The following CSMD2 variants were observed in gnomAD, a reference collection of about 807,000 sequenced individuals.
CSMD2 encodes CUB and Sushi multiple domains 2.
In CSMD2, 130 loss-of-function variants were observed where a neutral mutation model predicts 398.5. The observed-to-expected ratio is 0.33, with a 90% CI of 0.28 to 0.38. The LOEUF is 0.38. CSMD2 is among the 10% of genes least tolerant of loss of function. CSMD2 has a pLI of 1.00. For missense variants in CSMD2, 3,829 were observed against 4,764.9 expected, an observed-to-expected ratio of 0.80 and a Z score of 5.78; for synonymous variants, 1,828 against 1,908.5, an observed-to-expected ratio of 0.96 and a Z score of 1.10.
At chr1:33,606,173 T>G (rs1158812758) in intron 41 of CSMD2, among the ~76,000 whole-genome samples, 1 of 152,160 alleles carries the variant, frequency 6.6e-6, no homozygotes, top group African/African-American at 2.4e-5. Context: ...GCTGAGGGAT[T>G]CCTGAGCAAG....
rs1489825188 is a variant in CSMD2, at chr1:33,559,202, T to C, written c.8554+98A>G. On this transcript the variant is annotated intron_variant, in intron 54 of 70. Transcript: ENST00000373381. This position sits in a 1 kb window ranked among gnomAD's most constrained non-coding sequence, Gnocchi z 4.0. ...TCCATCTTCCCTATCTGGATCAGAA[T>C]GATGCCAGAATGAATTCACTGGCTT... The C allele has an allele frequency of 2.6e-6, 3 of 1,132,454 alleles. No individual in the cohort carries two copies. Among genetic ancestry groups the C allele is most frequent in the Non-Finnish European group, 3.7e-6 (3 of 803,222 alleles). The allele number at this position is 1,132,454 out of a possible 1,614,324, so 70.2% of individuals were successfully genotyped here. A position where few individuals can be genotyped will look rare whatever the true frequency, so the allele number is the denominator to read the frequency against.
chr1:33,726,551 C>T lies in CSMD2; in HGVS notation c.2503G>A (p.Asp835Asn), dbSNP rs765866960. Residue 835 changes from aspartate (D) to asparagine (N), a missense_variant, in exon 16 of 71, where the codon GAC (aspartate) becomes AAC (asparagine). Coordinates refer to ENST00000373381, the MANE Select transcript of CSMD2 (RefSeq NM_001281956.2). ...CAAGGCTGTGGTCACAAGCACCTGTCGAAGGTGATTTTGATGGGGTAGCCT... is the reference window on the plus strand; with the variant it reads ...CAAGGCTGTGGTCACAAGCACCTGTTGAAGGTGATTTTGATGGGGTAGCCT... Reference protein sequence around the residue: ...QPGYPIKITFDRFKTEVNYDT... With the variant: ...QPGYPIKITFNRFKTEVNYDT... The T allele has an allele frequency of 2.2e-5, 35 of 1,609,478 alleles. No homozygotes were observed. The highest frequency in any genetic ancestry group is 2.0e-4 in the South Asian group (18 of 90,422).
chr1:33,825,456 G>A (rs1658687578), intron 7 of CSMD2, among the ~76,000 whole-genome samples: 1 of 152,244 alleles, frequency 6.6e-6, no homozygotes, highest in Non-Finnish European at 1.5e-5. Context: ...GTTCAAATGG[G>A]AAGTGAGGGA....
chr1:34,153,790 C>T (rs145205080), intron 1 of CSMD2, among the ~76,000 whole-genome samples: 6 of 152,298 alleles, frequency 3.9e-5, no homozygotes, highest in African/African-American at 1.4e-4. Context: ...ATACAGAGAG[C>T]CAGCCCTGCA....
In CSMD2 at chr1:33,662,957, G is replaced by A. The variant is rs1644187502; in HGVS notation, c.4188C>T (p.Asn1396=). ...CAGTGCTGAACTGCAGGACGACCGA[G>A]TTGAAGGTGCTATGCAGGTCCTTGG... ...ALPKDLHSTF[N]SVVLQFSTDF... The change falls in exon 26 of 71, where the codon AAC becomes AAT. Residue 1396 remains asparagine (N), a synonymous_variant. Coordinates refer to ENST00000373381, the MANE Select transcript of CSMD2 (RefSeq NM_001281956.2). 3 of 1,614,180 alleles carry A rather than the reference G, an allele frequency of 1.9e-6. No homozygotes were observed. Among genetic ancestry groups the A allele is most frequent in the Non-Finnish European group, 2.5e-6 (3 of 1,180,028 alleles).
At position 33,586,551 on chromosome 1, in the gene CSMD2, T is replaced by G. The variant is rs1051288625; in HGVS notation, c.7004A>C (p.Lys2335Thr). 1 of 1,613,804 alleles carries G rather than the reference T, an allele frequency of 6.2e-7. No individual in the cohort carries two copies. The highest frequency in any genetic ancestry group is 8.5e-7 in the Non-Finnish European group (1 of 1,179,794). ...TLVGNEILTC[K>T]LGTYLQFEGP... is the part of the protein sequence containing the mutation. ...TTCAAACTGCAGGTAGGTTCCAAGT[T>G]TGCAGGTCAGAATTTCATTCCCCAC... Residue 2335 changes from lysine (K) to threonine (T), a missense_variant, in exon 46 of 71, where the codon AAA becomes ACA. Lys to Thr is a moderately conservative substitution (Grantham distance 78). Around this residue, in one of 5 missense-constraint regions of CSMD2, gnomAD observed 723 missense variants for 758.6 expected, o/e 0.95. Transcript: ENST00000373381.
chr1:33,726,459 G>T (rs908172349), intron 16 of CSMD2, 88 bp downstream of exon 16: 2 of 1,438,832 alleles, frequency 1.4e-6, no homozygotes, highest in African/African-American at 1.4e-5. Context: ...CGTTGGTACT[G>T]GTCCCCTATC....
intron 1 of CSMD2, among the ~76,000 whole-genome samples, chr1:34,157,779 A>G (rs1377597182): frequency 6.6e-6 from 1 of 151,580 alleles, no homozygotes; most frequent in Non-Finnish European, 1.5e-5. Flanking sequence ...TACCCAACTT[A>G]CACCTTCCTA....
At chr1:33,945,085 A>C (rs962945342) in intron 3 of CSMD2, among the ~76,000 whole-genome samples, 1 of 152,148 alleles carries the variant, frequency 6.6e-6, no homozygotes, top group Non-Finnish European at 1.5e-5. Context: ...CTGTCAGAAC[A>C]GAACTCTCCT....
intron 3 of CSMD2, among the ~76,000 whole-genome samples, chr1:34,023,993 G>A (rs957186483): frequency 5.3e-5 from 8 of 152,170 alleles, no homozygotes; most frequent in African/African-American, 1.4e-4. Context: ...ACCTATTAAA[G>A]TGGGCATTAT....
At chr1:33,555,961 G>A (rs1020343712) in intron 55 of CSMD2, among the ~76,000 whole-genome samples, 1 of 152,076 alleles carries the variant, frequency 6.6e-6, no homozygotes, top group South Asian at 2.1e-4. Context: ...TTTGGAGTAA[G>A]CTGATTCTAA....
chr1:33,527,312 G>C, intron 64 of CSMD2, 54 bp from the exon 65 acceptor site: 3 of 1,455,992 alleles, frequency 2.1e-6, no homozygotes, highest in Non-Finnish European at 2.9e-6. Flanking sequence ...TTCACACTCT[G>C]TTGGAAAAAT....
At chr1:33,576,434 T>C (rs1660080627) in intron 49 of CSMD2, among the ~76,000 whole-genome samples, 1 of 152,152 alleles carries the variant, frequency 6.6e-6, no homozygotes, top group South Asian at 2.1e-4. Flanking sequence ...CTACTAAAAG[T>C]ACAAAAATTA....
chr1:33,664,798 G>A (rs1034648131), intron 25 of CSMD2, among the ~76,000 whole-genome samples: 5 of 151,812 alleles, frequency 3.3e-5, no homozygotes, highest in African/African-American at 7.3e-5. Flanking sequence ...GCGAGACTCC[G>A]TCTCAAAAAT....
chr1:34,006,920 C>A (rs560740941), intron 3 of CSMD2, among the ~76,000 whole-genome samples: 3 of 152,126 alleles, frequency 2.0e-5, no homozygotes, highest in Admixed American at 2.0e-4. Context: ...CAGACTCTCT[C>A]AGGCATGGAA....
At chr1:33,616,251 T>G (rs961005510) in intron 39 of CSMD2, among the ~76,000 whole-genome samples, 2 of 152,108 alleles carry the variant, frequency 1.3e-5, no homozygotes, top group Admixed American at 1.3e-4. Context: ...TTTCGTTTTT[T>G]TTTTGGGACG....
In CSMD2 at chr1:33,725,382, G is replaced by T; in HGVS notation, c.2662C>A (p.His888Asn). 1 of 1,614,074 alleles carries T rather than the reference G, an allele frequency of 6.2e-7. No homozygotes were observed. The highest frequency in any genetic ancestry group is 1.1e-5 in the South Asian group (1 of 91,040). Residue 888 changes from histidine (H) to asparagine (N), a missense_variant, in exon 17 of 71, where the codon CAC becomes AAC. His to Asn is a moderately conservative substitution (Grantham distance 68). Transcript: ENST00000373381. ...CGGAGCTGGAAGCCGATGTCCGAGT[G>T]ACTCTTGTCGGTAGAGAAGAGGAGG... ...LYLLFSTDKS[H>N]SDIGFQLRYE...
chr1:33,610,446 C>A (rs1347955502), intron 41 of CSMD2, among the ~76,000 whole-genome samples: 1 of 152,154 alleles, frequency 6.6e-6, no homozygotes, highest in East Asian at 1.9e-4. Context: ...GGATGGTCTA[C>A]AACACAGGGG....
chr1:33,541,090 T>C (rs747859970), intron 59 of CSMD2, 40 bp downstream of exon 59: 1 of 1,601,012 alleles, frequency 6.2e-7, no homozygotes, highest in Admixed American at 1.7e-5. Flanking sequence ...CTTTTGTATC[T>C]TCTTTGGCTC....
Sources: gnomAD v4.1 joint callset for allele counts (sites outside exome capture counted in the v4.1 genomes callset) on GRCh38, gnomAD v4.1.1 for gene constraint, gnomAD v4.1.1 regional missense constraint, Gnocchi (gnomAD v3.1) non-coding constraint, MANE v1.5 for transcripts, NCBI Gene and HGNC (gene_info 2026-07-23, HGNC 2026-07-21) for gene names.